PCDHA5: variants seen among roughly 807,000 people sequenced by gnomAD.
PCDHA5 encodes protocadherin alpha 5, also known as protocadherin alpha-5.
Under a neutral mutation model 61.6 loss-of-function variants are expected in PCDHA5, and 43 were observed. The observed-to-expected ratio is 0.70, with a 90% CI of 0.55 to 0.90. The LOEUF is 0.90. PCDHA5 is among the 40% of genes least tolerant of loss of function. The pLI is 0.00. For missense variants in PCDHA5, 1,298 were observed against 1,222.7 expected, an observed-to-expected ratio of 1.06 and a Z score of -0.92; for synonymous variants, 627 against 543.9, an observed-to-expected ratio of 1.15 and a Z score of -2.13.
At chr5:140,927,470 G>T in intron 1 of PCDHA5, 3 of 1,614,054 alleles carry the variant, frequency 1.9e-6, no homozygotes, top group South Asian at 2.2e-5. Flanking sequence ...GCACTGGATC[G>T]CGAACAGCGC....
chr5:140,992,382 G>A (rs1275662967), intron 3 of PCDHA5, among the ~76,000 whole-genome samples: 3 of 152,140 alleles, frequency 2.0e-5, no homozygotes, highest in Non-Finnish European at 4.4e-5. Flanking sequence ...ACATTATTGT[G>A]TTCTGGACTT....
At chr5:140,877,816 GATT>G (rs2057354449) in intron 1 of PCDHA5, 1 of 1,609,196 alleles carries the variant, frequency 6.2e-7, no homozygotes, top group East Asian at 2.2e-5. Flanking sequence ...GTCTCGAGAA[GATT>G]GTTTAAATCC....
intron 1 of PCDHA5, among the ~76,000 whole-genome samples, chr5:140,907,506 A>G (rs1418997042): frequency 2.6e-5 from 4 of 152,234 alleles, no homozygotes; most frequent in Non-Finnish European, 5.9e-5. Flanking sequence ...GTAAGTGTCT[A>G]TTCCAGTGAG....
At chr5:140,884,941 C>T (rs1326188943) in intron 1 of PCDHA5, among the ~76,000 whole-genome samples, 1 of 152,116 alleles carries the variant, frequency 6.6e-6, no homozygotes, top group Admixed American at 6.5e-5. Context: ...TGCAATTGAG[C>T]ATTTACAAAA....
chr5:140,821,835 T>C lies in PCDHA5; in HGVS notation c.60T>C (p.Leu20=), dbSNP rs11958868. ...GGCTCCTGCTGCTCTGGCTTCTCCT[T>C]GCCTACTGGAAGGCAGGGAGCGGCC... The part of the protein sequence containing the change: ...GSRLLLLWLL[L]AYWKAGSGQL... The change falls in exon 1 of 4, where the codon CTT becomes CTC. Residue 20 remains leucine (L), a synonymous_variant. Transcript: ENST00000529859. 871,475 of 1,613,990 alleles carry C rather than the reference T, an allele frequency of 0.54. 237,398 individuals are homozygous for C. The highest frequency in any genetic ancestry group is 0.73 in the African/African-American group (54,736 of 74,998).
intron 3 of PCDHA5, among the ~76,000 whole-genome samples, chr5:141,008,840 T>C (rs2098392722): frequency 6.6e-6 from 1 of 152,188 alleles, no homozygotes; most frequent in African/African-American, 2.4e-5. Context: ...CCTCTTACGC[T>C]GTGTATTCCC....
intron 1 of PCDHA5, chr5:140,969,237 C>T (rs1278018540): frequency 6.2e-7 from 1 of 1,614,156 alleles, no homozygotes; most frequent in African/African-American, 1.3e-5. Flanking sequence ...GGAGCCCAAG[C>T]AGCAGTGACT....
At chr5:140,882,606 C>T in intron 1 of PCDHA5, 2 of 1,614,238 alleles carry the variant, frequency 1.2e-6, no homozygotes, top group Non-Finnish European at 1.7e-6. Context: ...GTGGACAGGC[C>T]TCTGCAGGTT....
rs180990865 is a variant in PCDHA5 at position 140,858,241 on chromosome 5, G to C, written c.2352+34114G>C. 1.8e-3 allele frequency: 2,879 copies of C among 1,596,686 alleles called. 210 individuals carry two copies. In the African/African-American group the frequency reaches 0.035, roughly 19 times the overall value. On this transcript the variant is annotated intron_variant, in intron 1 of 3. Coordinates refer to ENST00000529859, the MANE Select transcript of PCDHA5 (RefSeq NM_018908.3). ...CGGCGCCCACCGAGGGCGCATGTGGGCCGGTGAAGCCCACGCTGGTGTGCT... is the reference window on the plus strand; with the variant it reads ...CGGCGCCCACCGAGGGCGCATGTGGCCCGGTGAAGCCCACGCTGGTGTGCT...
At chr5:140,913,160 G>A (rs1437493261) in intron 1 of PCDHA5, among the ~76,000 whole-genome samples, 2 of 152,274 alleles carry the variant, frequency 1.3e-5, no homozygotes, top group East Asian at 3.9e-4. Flanking sequence ...AGTAGGATTG[G>A]TATTAGTTCT....
Position 140,951,565 on chromosome 5 carries a change from T to G in PCDHA5, c.2353-27384T>G, listed in dbSNP as rs151148481. Among the ~76,000 whole-genome samples the G allele has an allele frequency of 1.4e-3, 220 of 152,132 alleles. 1 individual carries two copies. Among genetic ancestry groups the G allele is most frequent in the African/African-American group, 4.9e-3 (203 of 41,508 alleles). ...GGACGGGGGGAAGTGCTACGCACTT[T>G]TAAACAACCAGATTTCACGAGATCT... On this transcript the variant is annotated intron_variant, in intron 1 of 3. Transcript: ENST00000529859.
chr5:140,911,729 C>T (rs571299791), intron 1 of PCDHA5, among the ~76,000 whole-genome samples: 16 of 152,252 alleles, frequency 1.1e-4, no homozygotes, highest in South Asian at 4.2e-4. Flanking sequence ...GTAAACAGTT[C>T]GTGCCAAGGA....
At chr5:140,969,552 T>A in intron 1 of PCDHA5, 1 of 1,234,382 alleles carries the variant, frequency 8.1e-7, no homozygotes, top group Non-Finnish European at 1.1e-6. Flanking sequence ...CATGAAGCCT[T>A]GTCCATAAAA....
In PCDHA5 at chr5:140,824,110, C is replaced by T; in HGVS notation, c.2335C>T (p.Pro779Ser). The stretch of plus-strand genomic sequence containing the variant: ...CTTCAGTCCAAGCCTTCCTCAGGGT[C>T]CCACCTCTACAGACAACGTGAGTTT... ...MAFSPSLPQG[P>S]TSTDNPRQPN... Residue 779 changes from proline (P) to serine (S), a missense_variant, in exon 1 of 4, where the codon CCC (proline) becomes TCC (serine). By Grantham distance (74) the Pro-to-Ser change is moderately conservative (BLOSUM62 -1). Coordinates refer to ENST00000529859, the MANE Select transcript of PCDHA5 (RefSeq NM_018908.3). The T allele has an allele frequency of 1.2e-6, 2 of 1,614,004 alleles. No homozygotes were observed. The highest frequency in any genetic ancestry group is 1.7e-6 in the Non-Finnish European group (2 of 1,179,848).
chr5:140,999,523 C>T (rs115576128), intron 3 of PCDHA5, among the ~76,000 whole-genome samples: 1 of 152,026 alleles, frequency 6.6e-6, no homozygotes, highest in Non-Finnish European at 1.5e-5. Context: ...CATTTTGTTA[C>T]CCCCTGGATA....
intron 1 of PCDHA5, among the ~76,000 whole-genome samples, chr5:140,952,538 T>C (rs558395294): frequency 6.6e-6 from 1 of 152,256 alleles, no homozygotes; most frequent in South Asian, 2.1e-4. Flanking sequence ...AGACTGGACT[T>C]CTTTGTCCAT....
At chr5:140,948,273 T>A (rs1563231021) in intron 1 of PCDHA5, among the ~76,000 whole-genome samples, 1 of 151,602 alleles carries the variant, frequency 6.6e-6, no homozygotes, top group South Asian at 2.1e-4. Context: ...ATGTAGAATA[T>A]CTGTAAATAA....
rs535720832 is a variant in PCDHA5 at position 140,876,757 on chromosome 5, G to A, written c.2352+52630G>A. On this transcript the variant is annotated intron_variant, in intron 1 of 3. Transcript: ENST00000529859. ...CTATGAGCTGGTGGTGACTGCGCGG[G>A]ATGGGGGCTCGCCTTCGCTGTGGGC... 85 of 1,614,274 alleles carry A rather than the reference G, an allele frequency of 5.3e-5. No individual in the cohort carries two copies. The South Asian group carries it at 8.8e-4, about 17-fold the overall frequency.
At chr5:140,972,925 G>T (rs1297920795) in intron 1 of PCDHA5, among the ~76,000 whole-genome samples, 1 of 152,120 alleles carries the variant, frequency 6.6e-6, no homozygotes, top group Non-Finnish European at 1.5e-5. Context: ...GCCTCCCAAA[G>T]TGCTGGGATT....
Sources: gnomAD v4.1 joint callset for allele counts (sites outside exome capture counted in the v4.1 genomes callset) on GRCh38, gnomAD v4.1.1 for gene constraint, MANE v1.5 for transcripts, NCBI Gene and HGNC (gene_info 2026-07-23, HGNC 2026-07-21) for gene names.